Variants in NAV3 observed in about 807,000 individuals in gnomAD.
The protein encoded by NAV3 is pore membrane and/or filament interacting like protein 1.
NAV3 carries 87 observed loss-of-function variants against 244.7 expected under a neutral mutation model. The ratio of observed to expected loss-of-function variants is 0.36; its 90% CI spans 0.30 to 0.42. NAV3 has a LOEUF of 0.42. Ranked by LOEUF, NAV3 falls within the 20% of genes least tolerant of loss-of-function variation. The pLI is 1.00. For missense variants in NAV3, 2,663 were observed against 2,893.3 expected, an observed-to-expected ratio of 0.92 and a Z score of 1.83; for synonymous variants, 1,126 against 1,042.2, an observed-to-expected ratio of 1.08 and a Z score of -1.55.
chr12:77,985,585 T>C (rs12425335), intron 5 of NAV3, among the ~76,000 whole-genome samples: 1 of 151,610 alleles, frequency 6.6e-6, no homozygotes, highest in Non-Finnish European at 1.5e-5. Context: ...TTTTTTTGTA[T>C]GTAGACATAA....
At chr12:78,075,874 A>G (rs953795983) in intron 12 of NAV3, among the ~76,000 whole-genome samples, 1 of 152,180 alleles carries the variant, frequency 6.6e-6, no homozygotes, top group Admixed American at 6.5e-5. Context: ...TCTCAGTCCT[A>G]TATAATTCAG....
chr12:77,590,235 G>A (rs1386936808), intron 2 of NAV3, among the ~76,000 whole-genome samples: 1 of 152,166 alleles, frequency 6.6e-6, no homozygotes, highest in African/African-American at 2.4e-5. Context: ...TTGGATGGGT[G>A]GAGGACAGAG....
At chr12:78,093,791 G>A (rs1954091249) in intron 12 of NAV3, among the ~76,000 whole-genome samples, 1 of 152,100 alleles carries the variant, frequency 6.6e-6, no homozygotes, top group African/African-American at 2.4e-5. Context: ...CCAAAGGACT[G>A]TTGTTTACAG....
At chr12:77,752,955 C>T (rs931789221) in intron 2 of NAV3, among the ~76,000 whole-genome samples, 2 of 152,252 alleles carry the variant, frequency 1.3e-5, no homozygotes, top group African/African-American at 4.8e-5. Flanking sequence ...TTCTAACTTA[C>T]TAAGCCAAAG....
intron 2 of NAV3, among the ~76,000 whole-genome samples, chr12:77,724,071 G>C (rs1028256051): frequency 6.6e-6 from 1 of 151,694 alleles, no homozygotes; most frequent in African/African-American, 2.4e-5. Flanking sequence ...AGTTTACTGT[G>C]TAAATAAATG....
intron 12 of NAV3, among the ~76,000 whole-genome samples, chr12:78,073,954 C>T (rs960417999): frequency 8.5e-5 from 13 of 152,124 alleles, no homozygotes; most frequent in African/African-American, 3.1e-4. Context: ...TATGTTCATA[C>T]TCAAATATTA....
intron 3 of NAV3, among the ~76,000 whole-genome samples, chr12:77,964,415 TA>T (rs1300005646): frequency 6.6e-6 from 1 of 152,180 alleles, no homozygotes; most frequent in Admixed American, 6.6e-5. Context: ...TGCAAACATT[TA>T]AAAATATTCC....
chr12:78,059,153 G>T, intron 12 of NAV3, 38 bp downstream of exon 12: 3 of 1,580,114 alleles, frequency 1.9e-6, no homozygotes, highest in Non-Finnish European at 2.6e-6. Context: ...AGACATGCAT[G>T]AAGTAATTTT....
intron 32 of NAV3, 39 bp from the exon 33 acceptor site, chr12:78,188,570 C>T (rs1958830877): frequency 1.3e-6 from 2 of 1,585,272 alleles, no homozygotes; most frequent in Non-Finnish European, 1.7e-6. Context: ...ATGAGTTGAA[C>T]CTCTGTTTTG....
At chr12:78,182,288 G>A (rs117440099) in intron 30 of NAV3, among the ~76,000 whole-genome samples, 1 of 152,058 alleles carries the variant, frequency 6.6e-6, no homozygotes, top group East Asian at 1.9e-4. Flanking sequence ...TATAGAATCT[G>A]GCAGTTCTGA....
intron 39 of NAV3, among the ~76,000 whole-genome samples, chr12:78,207,965 G>C (rs1429210097): frequency 6.6e-6 from 1 of 152,144 alleles, no homozygotes; most frequent in Non-Finnish European, 1.5e-5. Context: ...ACTTGATCAA[G>C]GTGTTAGAAA....
chr12:77,978,039 A>AG (rs1868838248), intron 5 of NAV3, among the ~76,000 whole-genome samples: 1 of 152,160 alleles, frequency 6.6e-6, no homozygotes, highest in Admixed American at 6.6e-5. Flanking sequence ...TTGTAAAAAA[A>AG]AAATTCTTAG....
intron 2 of NAV3, among the ~76,000 whole-genome samples, chr12:77,660,625 T>C (rs1308728843): frequency 6.6e-6 from 1 of 152,130 alleles, no homozygotes; most frequent in Admixed American, 6.6e-5. Flanking sequence ...TATATGTATG[T>C]ATATTATATA....
At chr12:77,773,099 C>T (rs1870176761) in intron 2 of NAV3, among the ~76,000 whole-genome samples, 2 of 152,176 alleles carry the variant, frequency 1.3e-5, no homozygotes. Context: ...GTAACATATT[C>T]ATGACATCAT....
At chr12:77,767,830 G>T (rs1280242779) in intron 2 of NAV3, among the ~76,000 whole-genome samples, 1 of 152,158 alleles carries the variant, frequency 6.6e-6, no homozygotes, top group Non-Finnish European at 1.5e-5. Context: ...CCTTCCCATT[G>T]CCTGCAATGC....
intron 2 of NAV3, among the ~76,000 whole-genome samples, chr12:77,579,553 C>T (rs1869250964): frequency 6.6e-6 from 1 of 152,188 alleles, no homozygotes; most frequent in African/African-American, 2.4e-5. Flanking sequence ...GCAGCACCAA[C>T]CCAACCATGA....
At chr12:77,947,204 G>C (rs954778781) in intron 3 of NAV3, among the ~76,000 whole-genome samples, 1 of 151,842 alleles carries the variant, frequency 6.6e-6, no homozygotes, top group African/African-American at 2.4e-5. Context: ...TAGGGTTATG[G>C]CTCCCAGAAT....
At chr12:77,677,548 C>T (rs1157795215) in intron 2 of NAV3, among the ~76,000 whole-genome samples, 2 of 152,208 alleles carry the variant, frequency 1.3e-5, no homozygotes, top group African/African-American at 4.8e-5. Flanking sequence ...ACTTCCAATC[C>T]TGACTTCACT....
chr12:78,120,111 T>G (rs1193479622), intron 15 of NAV3, among the ~76,000 whole-genome samples, 166 bp downstream of exon 15: 3 of 151,546 alleles, frequency 2.0e-5, no homozygotes, highest in Non-Finnish European at 2.9e-5. Context: ...GCTTATCATA[T>G]AAACAGCTAG....
Sources: gnomAD v4.1 joint callset for allele counts (sites outside exome capture counted in the v4.1 genomes callset) on GRCh38, gnomAD v4.1.1 for gene constraint, MANE v1.5 for transcripts, NCBI Gene and HGNC (gene_info 2026-07-23, HGNC 2026-07-21) for gene names.